Variants in HABP4 observed in about 807,000 individuals in gnomAD.
HABP4 encodes intracellular hyaluronan-binding protein 4.
HABP4 carries 32 observed loss-of-function variants against 44.1 expected under a neutral mutation model. That is an observed-to-expected ratio of 0.73 (90% CI 0.55 to 0.97). The LOEUF is 0.97. HABP4 is among the 50% of genes least tolerant of loss of function. The pLI, the probability that HABP4 is intolerant of heterozygous loss-of-function variation, is 0.00. For missense variants in HABP4, 503 were observed against 561.9 expected, an observed-to-expected ratio of 0.90 and a Z score of 1.06; for synonymous variants, 216 against 218.0, an observed-to-expected ratio of 0.99 and a Z score of 0.08.
chr9:96,473,258 TGACC>T (rs932530664), intron 5 of HABP4, among the ~76,000 whole-genome samples: 1 of 152,200 alleles, frequency 6.6e-6, no homozygotes, highest in African/African-American at 2.4e-5. Flanking sequence ...GTGCCCAGCC[TGACC>T]GAGACTGAGC....
intron 5 of HABP4, among the ~76,000 whole-genome samples, chr9:96,480,020 C>A (rs1370264800): frequency 6.6e-6 from 1 of 151,804 alleles, no homozygotes; most frequent in Non-Finnish European, 1.5e-5. Context: ...ACAAAAAATA[C>A]AAAAATTAGC....
rs576102231 is a variant in HABP4, at chr9:96,490,495, A to G, written c.*457A>G. The G allele has an allele frequency of 3.2e-5, 5 of 154,290 alleles. No individual in the cohort carries two copies. The highest frequency in any genetic ancestry group is 1.9e-4 in the East Asian group (1 of 5,266). The allele number at this position is 154,290 out of a possible 1,614,324, so 9.6% of individuals were successfully genotyped here. A position where few individuals can be genotyped will look rare whatever the true frequency, so the allele number is the denominator to read the frequency against. ...TCGGAGACCAAGAAATTAAAATACA[A>G]TTGCACTTACTGTTTACTTGTAAAT... On this transcript the variant is annotated 3_prime_UTR_variant, in exon 8 of 8. Transcript: ENST00000375249.
intron 5 of HABP4, among the ~76,000 whole-genome samples, 192 bp downstream of exon 5, chr9:96,471,286 G>A (rs565259843): frequency 6.6e-6 from 1 of 152,134 alleles, no homozygotes; most frequent in South Asian, 2.1e-4. Flanking sequence ...GGGACAATAG[G>A]CGTGCGCCAC....
chr9:96,484,495 A>T lies in HABP4; in HGVS notation c.861A>T (p.Gln287His). 6.4e-7 allele frequency: 1 copy of T among 1,570,922 alleles called. No individual in the cohort carries two copies. Among genetic ancestry groups the T allele is most frequent in the Non-Finnish European group, 8.8e-7 (1 of 1,141,770 alleles). Residue 287 changes from glutamine to histidine, a missense_variant, in exon 6 of 8, where the codon CAA becomes CAT. Around this residue, in one of 3 missense-constraint regions of HABP4, gnomAD observed 131 missense variants for 189.8 expected, o/e 0.69. Transcript: ENST00000375249. ...VPELEVEEET[Q>H]VQEMTLDEWK... ...AGTTGGAGGTAGAAGAAGAAACCCAAGTTCAAGAGATGACTTTAGATGAGT... is the reference window on the plus strand; with the variant it reads ...AGTTGGAGGTAGAAGAAGAAACCCATGTTCAAGAGATGACTTTAGATGAGT...
chr9:96,458,397 G>C lies in HABP4; in HGVS notation c.368G>C (p.Arg123Thr). 6.2e-7 allele frequency: 1 copy of C among 1,614,074 alleles called. No homozygotes were observed. Among genetic ancestry groups the C allele is most frequent in the East Asian group, 2.2e-5 (1 of 44,880 alleles). The change falls in exon 2 of 8, where the codon AGA becomes ACA. Residue 123 changes from arginine to threonine, a missense_variant. Around this residue, in one of 3 missense-constraint regions of HABP4, gnomAD observed 290 missense variants for 300.5 expected, o/e 0.97. Transcript: ENST00000375249. ...LQAPGQKRTP[R>T]RGEQQGWNDS... ...TTGGTAGGCCAGAAGCGGACTCCTA[G>C]AAGAGGGGAGCAGCAAGGATGGAAT...
chr9:96,458,337 G>A, intron 1 of HABP4, 42 bp from the exon 2 acceptor site: 3 of 1,579,966 alleles, frequency 1.9e-6, no homozygotes, highest in Non-Finnish European at 2.6e-6. Flanking sequence ...TGCTGTTGCA[G>A]ATGTTGTGTT....
At position 96,491,159 on chromosome 9, in the gene HABP4, C is replaced by G. The variant is rs1023250112; in HGVS notation, c.*1121C>G. On this transcript the variant is annotated 3_prime_UTR_variant, in exon 8 of 8. Coordinates refer to ENST00000375249, the MANE Select transcript of HABP4 (RefSeq NM_014282.4). ...GCTAGAAGCTGGGGTGTTGCTCTCCCCGCTTTCTCATAGACACAGAGGTAC... is the reference window on the plus strand; with the variant it reads ...GCTAGAAGCTGGGGTGTTGCTCTCCGCGCTTTCTCATAGACACAGAGGTAC... 6 of 152,244 alleles carry G rather than the reference C, an allele frequency of 3.9e-5. No homozygotes were observed. The highest frequency in any genetic ancestry group is 2.4e-5 in the African/African-American group (1 of 41,446). The allele number at this position is 152,244 out of a possible 1,614,324, so 9.4% of individuals were successfully genotyped here.
chr9:96,462,888 C>CT (rs1416946065), intron 2 of HABP4, among the ~76,000 whole-genome samples: 1 of 152,074 alleles, frequency 6.6e-6, no homozygotes, highest in African/African-American at 2.4e-5. Context: ...GGCCATTGCA[C>CT]TCCAGCTTGG....
intron 5 of HABP4, among the ~76,000 whole-genome samples, chr9:96,479,894 G>A (rs377020173): frequency 1.3e-5 from 2 of 152,100 alleles, no homozygotes; most frequent in Admixed American, 6.5e-5. Flanking sequence ...GGCCGGGTGC[G>A]GTGGCTCATG....
chr9:96,452,510 A>T (rs1832302414), intron 1 of HABP4, among the ~76,000 whole-genome samples: 1 of 151,898 alleles, frequency 6.6e-6, no homozygotes, highest in South Asian at 2.1e-4. Context: ...CATGTAGTAC[A>T]CTCGTAACTT....
intron 2 of HABP4, among the ~76,000 whole-genome samples, chr9:96,459,044 A>G (rs1443053485): frequency 1.3e-5 from 2 of 152,220 alleles, no homozygotes; most frequent in Non-Finnish European, 2.9e-5. Context: ...TTTTCCTCAT[A>G]GATGCCTTTA....
At chr9:96,472,748 G>A (rs1832719064) in intron 5 of HABP4, among the ~76,000 whole-genome samples, 1 of 152,160 alleles carries the variant, frequency 6.6e-6, no homozygotes, top group South Asian at 2.1e-4. Context: ...TTCTCCGTCA[G>A]CTGCCTCTTT....
intron 1 of HABP4, among the ~76,000 whole-genome samples, 164 bp from the exon 2 acceptor site, chr9:96,458,215 G>A (rs1386844347): frequency 2.0e-5 from 3 of 152,220 alleles, no homozygotes; most frequent in Admixed American, 1.3e-4. Context: ...ACTGTGGGCA[G>A]TTGTAGTATC....
chr9:96,484,914 T>G (rs978562029), intron 6 of HABP4, among the ~76,000 whole-genome samples: 1 of 152,140 alleles, frequency 6.6e-6, no homozygotes, highest in African/African-American at 2.4e-5. Context: ...TTAACTGTAT[T>G]TCATTTTTCT....
intron 5 of HABP4, among the ~76,000 whole-genome samples, chr9:96,472,274 A>G (rs1832711594): frequency 6.6e-6 from 1 of 152,022 alleles, no homozygotes; most frequent in African/African-American, 2.4e-5. Flanking sequence ...CCGGTCACTG[A>G]TATTCTGAAA....
At chr9:96,485,105 T>G (rs1169119017) in intron 6 of HABP4, among the ~76,000 whole-genome samples, 9 of 151,876 alleles carry the variant, frequency 5.9e-5, no homozygotes, top group South Asian at 2.1e-4. Flanking sequence ...CAGGCTGGAG[T>G]GCAGTGGCGC....
chr9:96,471,799 GT>G (rs560121537), intron 5 of HABP4, among the ~76,000 whole-genome samples: 1 of 151,350 alleles, frequency 6.6e-6, no homozygotes, highest in Non-Finnish European at 1.5e-5. Context: ...TTTTTCTGGG[GT>G]TTTTTTTGAG....
chr9:96,456,576 C>T (rs533065702), intron 1 of HABP4, among the ~76,000 whole-genome samples: 61 of 150,904 alleles, frequency 4.0e-4, no homozygotes, highest in African/African-American at 1.3e-3. Context: ...CTGGGTAACA[C>T]GGTGAAACCC....
At chr9:96,475,925 G>A (rs2131145951) in intron 5 of HABP4, among the ~76,000 whole-genome samples, 1 of 152,180 alleles carries the variant, frequency 6.6e-6, no homozygotes, top group Admixed American at 6.5e-5. Context: ...ATTTGTCCCA[G>A]TTAAATATCC....
Sources: gnomAD v4.1 joint callset for allele counts (sites outside exome capture counted in the v4.1 genomes callset) on GRCh38, gnomAD v4.1.1 for gene constraint, gnomAD v4.1.1 regional missense constraint, MANE v1.5 for transcripts, NCBI Gene and HGNC (gene_info 2026-07-23, HGNC 2026-07-21) for gene names.